The following SPIRE1 variants were observed in gnomAD, a reference collection of about 807,000 sequenced individuals.
SPIRE1 encodes protein spire homolog 1.
A neutral mutation model predicts 94.1 loss-of-function variants in SPIRE1; 40 were observed. The observed-to-expected ratio is 0.43, with a 90% CI of 0.33 to 0.55. The LOEUF is 0.55. Among genes scored for constraint, SPIRE1 ranks in the 20% least tolerant of loss-of-function variants. The pLI, the probability that SPIRE1 is intolerant of heterozygous loss-of-function variation, is 0.06. For missense variants in SPIRE1, 838 were observed against 975.2 expected (o/e 0.86, Z 1.87); for synonymous variants, 376 against 371.7 (o/e 1.01, Z -0.13).
At chr18:12,556,792 G>C (rs1411053718) in intron 2 of SPIRE1, among the ~76,000 whole-genome samples, 1 of 152,182 alleles carries the variant, frequency 6.6e-6, no homozygotes, top group African/African-American at 2.4e-5. Flanking sequence ...AGGACCCAAA[G>C]AGTGAGCAGC....
upstream of SPIRE1, among the ~76,000 whole-genome samples, chr18:12,660,810 C>T (rs181120222): frequency 6.6e-6 from 1 of 151,618 alleles, no homozygotes; most frequent in East Asian, 1.9e-4. Context: ...AAATATTTTG[C>T]CTGTGTGAGC....
intron 2 of SPIRE1, among the ~76,000 whole-genome samples, chr18:12,575,974 C>G (rs970733169): frequency 1.3e-5 from 2 of 152,174 alleles, no homozygotes; most frequent in African/African-American, 4.8e-5. Flanking sequence ...GAGGCCCAGG[C>G]GGGCAGATCA....
intron 2 of SPIRE1, among the ~76,000 whole-genome samples, chr18:12,591,439 G>T (rs969835920): frequency 6.6e-6 from 1 of 152,132 alleles, no homozygotes; most frequent in African/African-American, 2.4e-5. Flanking sequence ...GAAGAAGAGG[G>T]GGAGCCACTG....
intron 2 of SPIRE1, among the ~76,000 whole-genome samples, chr18:12,599,125 TA>T (rs2036761544): frequency 1.3e-5 from 2 of 152,212 alleles, no homozygotes; most frequent in African/African-American, 4.8e-5. Context: ...GACCACAATA[TA>T]ATTATAAAAA....
intron 10 of SPIRE1, among the ~76,000 whole-genome samples, chr18:12,465,864 T>C (rs1598897367): frequency 6.6e-6 from 1 of 152,042 alleles, no homozygotes; most frequent in Admixed American, 6.5e-5. Context: ...GACGGGCAGA[T>C]CACGAGGTCA....
intron 6 of SPIRE1, among the ~76,000 whole-genome samples, chr18:12,501,157 A>G (rs891598524): frequency 6.6e-6 from 1 of 151,872 alleles, no homozygotes; most frequent in Non-Finnish European, 1.5e-5. Context: ...ACCTTGAAAC[A>G]TTATGCTAAG....
chr18:12,479,912 A>C (rs369153613), intron 9 of SPIRE1, 41 bp from the exon 10 acceptor site: 83 of 1,588,370 alleles, frequency 5.2e-5, no homozygotes, highest in Non-Finnish European at 7.0e-5. Context: ...TGAGCCAAGA[A>C]AGGTTATCTG....
chr18:12,522,845 C>T (rs1485984577), intron 4 of SPIRE1, among the ~76,000 whole-genome samples: 7 of 152,232 alleles, frequency 4.6e-5, no homozygotes, highest in Non-Finnish European at 7.3e-5. Context: ...ATTGACAATG[C>T]ATTTGGTCAC....
chr18:12,589,886 T>C (rs138029017), intron 2 of SPIRE1, among the ~76,000 whole-genome samples: 234 of 152,338 alleles, frequency 1.5e-3, no homozygotes, highest in African/African-American at 5.4e-3. Flanking sequence ...AACAATGATA[T>C]CCACTGTCTG....
chr18:12,546,970 C>A, intron 2 of SPIRE1, 66 bp from the exon 3 acceptor site: 1 of 1,086,250 alleles, frequency 9.2e-7, no homozygotes, highest in Non-Finnish European at 1.3e-6. Flanking sequence ...AATTGTGAGG[C>A]ATAAGATGTT....
At chr18:12,603,122 C>A (rs1204746221) in intron 2 of SPIRE1, among the ~76,000 whole-genome samples, 1 of 152,166 alleles carries the variant, frequency 6.6e-6, no homozygotes, top group Admixed American at 6.5e-5. Flanking sequence ...TGGGCAAAAT[C>A]ATCTAACACA....
At chr18:12,620,188 C>G (rs1033594719) in intron 2 of SPIRE1, among the ~76,000 whole-genome samples, 21 of 152,118 alleles carry the variant, frequency 1.4e-4, no homozygotes, top group African/African-American at 4.8e-4. Flanking sequence ...TCAACGAAGA[C>G]CTAAATAAAT....
At chr18:12,539,737 C>T (rs551785224) in intron 3 of SPIRE1, among the ~76,000 whole-genome samples, 2 of 151,568 alleles carry the variant, frequency 1.3e-5, no homozygotes, top group Non-Finnish European at 2.9e-5. Flanking sequence ...CCAGCCTGAC[C>T]AACATAGTGA....
At chr18:12,582,153 T>G (rs572971963) in intron 2 of SPIRE1, among the ~76,000 whole-genome samples, 1 of 152,248 alleles carries the variant, frequency 6.6e-6, no homozygotes, top group Non-Finnish European at 1.5e-5. Context: ...CATGGTAAAT[T>G]TCAACTAAGA....
chr18:12,613,792 C>T (rs916041418), intron 2 of SPIRE1, among the ~76,000 whole-genome samples: 4 of 152,054 alleles, frequency 2.6e-5, no homozygotes, highest in African/African-American at 4.8e-5. Flanking sequence ...CTCAGCTACA[C>T]GAGCAAGAGA....
intron 10 of SPIRE1, among the ~76,000 whole-genome samples, chr18:12,466,512 G>A (rs2032107331): frequency 6.6e-6 from 1 of 151,934 alleles, no homozygotes; most frequent in South Asian, 2.1e-4. Flanking sequence ...GAACTCCTGA[G>A]CTCATGATCT....
At chr18:12,525,312 A>AATC (rs1341333357) in intron 4 of SPIRE1, among the ~76,000 whole-genome samples, 9 of 148,244 alleles carry the variant, frequency 6.1e-5, no homozygotes, top group Non-Finnish European at 3.0e-5. Flanking sequence ...TAATAATAAT[A>AATC]ATAATAACAA....
At chr18:12,497,106 A>C (rs1471805532) in intron 6 of SPIRE1, among the ~76,000 whole-genome samples, 6 of 151,790 alleles carry the variant, frequency 4.0e-5, no homozygotes, top group African/African-American at 1.2e-4. Flanking sequence ...CAACAAAAAA[A>C]CCCCACAAAA....
intron 2 of SPIRE1, among the ~76,000 whole-genome samples, chr18:12,597,286 T>C: frequency 6.6e-6 from 1 of 151,668 alleles, no homozygotes; most frequent in East Asian, 1.9e-4. Context: ...TGATCCCCCA[T>C]TCTGACCACC....
Sources: gnomAD v4.1 joint callset for allele counts (sites outside exome capture counted in the v4.1 genomes callset) on GRCh38, gnomAD v4.1.1 for gene constraint, MANE v1.5 for transcripts, NCBI Gene and HGNC (gene_info 2026-07-23, HGNC 2026-07-21) for gene names.